MINPP1: variants seen among roughly 807,000 people sequenced by gnomAD.
MINPP1 encodes multiple inositol polyphosphate phosphatase 1.
Under a neutral mutation model 46.1 loss-of-function variants are expected in MINPP1, and 28 were observed. The ratio of observed to expected loss-of-function variants is 0.61; its 90% CI spans 0.45 to 0.83. The LOEUF (loss-of-function observed/expected upper bound fraction) is 0.83, where lower values mean the gene tolerates loss of function less well. Ranked by LOEUF, MINPP1 falls within the 40% of genes least tolerant of loss-of-function variation. MINPP1 has a pLI of 0.00. For synonymous variants in MINPP1, 268 were observed against 249.1 expected, an observed-to-expected ratio of 1.08 and a Z score of -0.72; for missense variants, 603 against 610.0, an observed-to-expected ratio of 0.99 and a Z score of 0.12.
chr10:87,511,369 C>G (rs1159183735), intron 2 of MINPP1, among the ~76,000 whole-genome samples: 2 of 152,034 alleles, frequency 1.3e-5, no homozygotes, highest in Non-Finnish European at 2.9e-5. Flanking sequence ...TAGGAATCCT[C>G]CCACCGCAAG....
chr10:87,547,039 CAG>C (rs1402036194), intron 4 of MINPP1, among the ~76,000 whole-genome samples: 7 of 152,304 alleles, frequency 4.6e-5, no homozygotes, highest in South Asian at 2.1e-4. Context: ...GCACTGACAA[CAG>C]AGTCTTCCTC....
chr10:87,529,670 C>T (rs1175465761), intron 4 of MINPP1, among the ~76,000 whole-genome samples: 1 of 152,178 alleles, frequency 6.6e-6, no homozygotes, highest in Non-Finnish European at 1.5e-5. Context: ...GTGAATCTGA[C>T]AATTATGTGT....
intron 4 of MINPP1, among the ~76,000 whole-genome samples, chr10:87,540,012 A>G (rs1564681564): frequency 6.6e-6 from 1 of 152,208 alleles, no homozygotes; most frequent in Non-Finnish European, 1.5e-5. Flanking sequence ...GACTACAGGC[A>G]TGCGCCACAG....
intron 1 of MINPP1, among the ~76,000 whole-genome samples, chr10:87,506,339 T>C (rs1851250028): frequency 6.6e-6 from 1 of 152,142 alleles, no homozygotes; most frequent in Non-Finnish European, 1.5e-5. Context: ...AAGTCTTCTG[T>C]TTTCCTAGAA....
rs1224616372 is a variant in MINPP1 at position 87,552,338 on chromosome 10, G to A, written c.1324G>A (p.Val442Met). The change falls in exon 5 of 5, where the codon GTG (valine) becomes ATG (methionine). Residue 442 changes from valine to methionine, a missense_variant. Around this residue, in one of 3 missense-constraint regions of MINPP1, gnomAD observed 344 missense variants for 381.1 expected, o/e 0.90. Transcript: ENST00000371996. ...FRVQMLLNEK[V>M]LPLAYSQETV... ...AGTGCAGATGTTATTAAATGAAAAG[G>A]TGTTACCTTTGGCTTACTCACAAGA... 7 of 1,613,614 alleles carry A rather than the reference G, an allele frequency of 4.3e-6. No homozygotes were observed. Among genetic ancestry groups the A allele is most frequent in the Non-Finnish European group, 5.9e-6 (7 of 1,179,796 alleles).
chr10:87,515,456 CAT>C (rs1297901263), intron 3 of MINPP1, among the ~76,000 whole-genome samples: 1 of 152,024 alleles, frequency 6.6e-6, no homozygotes, highest in African/African-American at 2.4e-5. Flanking sequence ...AATTTAAATA[CAT>C]GTTTATTAAA....
chr10:87,547,261 CCA>C (rs375436538), intron 4 of MINPP1, among the ~76,000 whole-genome samples: 30 of 152,220 alleles, frequency 2.0e-4, no homozygotes, highest in African/African-American at 6.5e-4. Context: ...CAGTCATGTG[CCA>C]CCACACCCAG....
chr10:87,539,214 A>T (rs958503589), intron 4 of MINPP1, among the ~76,000 whole-genome samples: 5 of 152,224 alleles, frequency 3.3e-5, no homozygotes, highest in Admixed American at 2.6e-4. Context: ...ATTTATATAG[A>T]TTACTCATTT....
intron 4 of MINPP1, among the ~76,000 whole-genome samples, chr10:87,522,191 G>GA (rs768529516): frequency 1.1e-3 from 163 of 152,024 alleles, no homozygotes; most frequent in Middle Eastern, 3.4e-3. Context: ...GGTAAAAGTG[G>GA]AAAAATTTTT....
intron 4 of MINPP1, among the ~76,000 whole-genome samples, chr10:87,549,309 T>C (rs1437672700): frequency 6.6e-6 from 1 of 152,218 alleles, no homozygotes; most frequent in African/African-American, 2.4e-5. Flanking sequence ...GCTCTTTTGG[T>C]CTCTTTCCTT....
intron 4 of MINPP1, among the ~76,000 whole-genome samples, chr10:87,527,230 G>A (rs1422601593): frequency 6.6e-6 from 1 of 152,108 alleles, no homozygotes; most frequent in Non-Finnish European, 1.5e-5. Flanking sequence ...CTTGAGCAGT[G>A]GTTTGTAGTT....
In MINPP1 at chr10:87,505,325, G is replaced by A; in HGVS notation, c.410G>A (p.Trp137Ter). The part of the protein sequence containing the change: ...LGAALADWPL[W>*]YADWMDGQLV... ...GCAGCGCTGGCCGACTGGCCTTTGT[G>A]GTACGCGGACTGGATGGACGGGCAG... The change falls in exon 1 of 5, where the codon TGG becomes TAG. Residue 137 changes from tryptophan (W) to a stop codon, truncating the protein, a stop_gained. Transcript: ENST00000371996. LOFTEE classifies it high-confidence loss of function. The surrounding 1 kb of genome is among the most constrained non-coding windows in gnomAD (Gnocchi z 4.4). 6.2e-7 allele frequency: 1 copy of A among 1,613,424 alleles called. No individual in the cohort carries two copies. Among genetic ancestry groups the A allele is most frequent in the Non-Finnish European group, 8.5e-7 (1 of 1,179,490 alleles).
chr10:87,514,373 A>G (rs1348772940), intron 3 of MINPP1, among the ~76,000 whole-genome samples: 1 of 152,222 alleles, frequency 6.6e-6, no homozygotes, highest in East Asian at 1.9e-4. Flanking sequence ...TGTACAGTCA[A>G]CTTTCAAATT....
intron 4 of MINPP1, among the ~76,000 whole-genome samples, chr10:87,544,472 G>A (rs1214260077): frequency 6.6e-6 from 1 of 152,114 alleles, no homozygotes; most frequent in Non-Finnish European, 1.5e-5. Flanking sequence ...AGCCCCTCTT[G>A]CTCTTCCCTG....
At chr10:87,515,893 A>G (rs1851407430) in intron 3 of MINPP1, among the ~76,000 whole-genome samples, 1 of 144,108 alleles carries the variant, frequency 6.9e-6, no homozygotes, top group South Asian at 2.2e-4. Context: ...CAGTGGCCCA[A>G]TCTCAGCTCA....
chr10:87,534,472 C>T (rs1397087938), intron 4 of MINPP1, among the ~76,000 whole-genome samples: 1 of 152,202 alleles, frequency 6.6e-6, no homozygotes, highest in Non-Finnish European at 1.5e-5. Flanking sequence ...TTTTGACTAT[C>T]ACTAGATTGT....
In MINPP1 at chr10:87,552,285, A is replaced by G; in HGVS notation, c.1271A>G (p.Asn424Ser). 4 of 1,613,844 alleles carry G rather than the reference A, an allele frequency of 2.5e-6. No homozygotes were observed. The highest frequency in any genetic ancestry group is 3.4e-6 in the Non-Finnish European group (4 of 1,179,822). ...ATATTTGTGCTTTACCACTGTGAAAATGCTAAGACTCCTAAAGAACAATTC... is the reference window on the plus strand; with the variant it reads ...ATATTTGTGCTTTACCACTGTGAAAGTGCTAAGACTCCTAAAGAACAATTC... ...NLIFVLYHCENAKTPKEQFRV... is the reference protein window; with the variant it reads ...NLIFVLYHCESAKTPKEQFRV... Residue 424 changes from asparagine (N) to serine (S), a missense_variant, in exon 5 of 5, where the codon AAT (asparagine) becomes AGT (serine). Coordinates refer to ENST00000371996, the MANE Select transcript of MINPP1 (RefSeq NM_004897.5).
At chr10:87,540,045 G>A (rs765881252) in intron 4 of MINPP1, among the ~76,000 whole-genome samples, 1 of 152,150 alleles carries the variant, frequency 6.6e-6, no homozygotes, top group Non-Finnish European at 1.5e-5. Flanking sequence ...TTTGTGGGGA[G>A]TTTTCGTAGA....
At chr10:87,512,634 CTAAAAT>C (rs1301545785) in intron 2 of MINPP1, among the ~76,000 whole-genome samples, 2 of 152,150 alleles carry the variant, frequency 1.3e-5, no homozygotes, top group Non-Finnish European at 2.9e-5. Flanking sequence ...CTTGAACCCT[CTAAAAT>C]TAACAAAATC....
Sources: gnomAD v4.1 joint callset for allele counts (sites outside exome capture counted in the v4.1 genomes callset) on GRCh38, gnomAD v4.1.1 for gene constraint, gnomAD v4.1.1 regional missense constraint, Gnocchi (gnomAD v3.1) non-coding constraint, MANE v1.5 for transcripts, NCBI Gene and HGNC (gene_info 2026-07-23, HGNC 2026-07-21) for gene names.